Variants in ADGRB3 observed in about 807,000 individuals in gnomAD.
The protein encoded by ADGRB3 is brain-specific angiogenesis inhibitor 3.
ADGRB3 carries 37 observed loss-of-function variants against 193.4 expected under a neutral mutation model. The observed-to-expected ratio is 0.19, with a 90% CI of 0.15 to 0.25. The LOEUF (loss-of-function observed/expected upper bound fraction) is 0.25, where lower values mean the gene tolerates loss of function less well. ADGRB3 is among the 10% of genes least tolerant of loss of function. The pLI, the probability that ADGRB3 is intolerant of heterozygous loss-of-function variation, is 1.00. For missense variants in ADGRB3, 1,637 were observed against 1,852.9 expected (o/e 0.88, Z 2.14); for synonymous variants, 690 against 644.2 (o/e 1.07, Z -1.08).
intron 10 of ADGRB3, among the ~76,000 whole-genome samples, chr6:68,977,553 A>G (rs546877284): frequency 5.3e-5 from 8 of 152,180 alleles, no homozygotes; most frequent in Non-Finnish European, 1.2e-4. Flanking sequence ...TAATGGATTA[A>G]GATAGATACA....
chr6:69,280,162 T>A (rs1194488596), intron 20 of ADGRB3, among the ~76,000 whole-genome samples: 1 of 152,198 alleles, frequency 6.6e-6, no homozygotes, highest in Non-Finnish European at 1.5e-5. Context: ...TTCTGCTGTA[T>A]GCAGGAGAAT....
At chr6:68,871,717 T>C (rs1765460406) in intron 3 of ADGRB3, among the ~76,000 whole-genome samples, 1 of 152,144 alleles carries the variant, frequency 6.6e-6, no homozygotes, top group South Asian at 2.1e-4. Context: ...TCACTTGCAT[T>C]AGTCTATTTT....
chr6:68,998,963 A>ACAGGCACAAATACAGGG, intron 11 of ADGRB3, among the ~76,000 whole-genome samples: 1 of 152,134 alleles, frequency 6.6e-6, no homozygotes, highest in South Asian at 2.1e-4. Flanking sequence ...CCTATAATAT[A>ACAGGCACAAATACAGGG]CACCTTTATT....
At chr6:69,082,363 T>C (rs1399026700) in intron 17 of ADGRB3, among the ~76,000 whole-genome samples, 1 of 152,052 alleles carries the variant, frequency 6.6e-6, no homozygotes, top group East Asian at 1.9e-4. Context: ...CTGGAAATTC[T>C]CTCACTTTTT....
chr6:69,232,893 T>C, intron 17 of ADGRB3: 1 of 507,480 alleles, frequency 2.0e-6, no homozygotes, highest in Non-Finnish European at 3.5e-6. Flanking sequence ...TCAGAGCTGG[T>C]AGAAAAATAT....
intron 20 of ADGRB3, among the ~76,000 whole-genome samples, chr6:69,268,805 A>G (rs1025891618): frequency 1.3e-5 from 2 of 152,068 alleles, no homozygotes; most frequent in Non-Finnish European, 2.9e-5. Flanking sequence ...GCCCACTCCA[A>G]AATGGGCTGG....
At chr6:68,833,570 T>G (rs1197431927) in intron 3 of ADGRB3, among the ~76,000 whole-genome samples, 1 of 150,856 alleles carries the variant, frequency 6.6e-6, no homozygotes, top group South Asian at 2.1e-4. Context: ...TAAGTATTCT[T>G]ATATTAAAGA....
At chr6:68,864,422 A>G (rs1765235948) in intron 3 of ADGRB3, among the ~76,000 whole-genome samples, 1 of 152,170 alleles carries the variant, frequency 6.6e-6, no homozygotes, top group Admixed American at 6.5e-5. Context: ...GAGTTGGAGG[A>G]AAAGTGTGCC....
At chr6:69,262,205 G>A (rs765199984) in intron 20 of ADGRB3, among the ~76,000 whole-genome samples, 7 of 151,948 alleles carry the variant, frequency 4.6e-5, no homozygotes, top group Non-Finnish European at 7.4e-5. Context: ...GGTTCATAGC[G>A]ATCACATCTT....
At chr6:69,308,942 T>C (rs1464917242) in intron 20 of ADGRB3, among the ~76,000 whole-genome samples, 1 of 151,664 alleles carries the variant, frequency 6.6e-6, no homozygotes, top group Non-Finnish European at 1.5e-5. Context: ...AAAACCAAAG[T>C]TGGGAAATCC....
intron 3 of ADGRB3, among the ~76,000 whole-genome samples, chr6:68,905,303 G>T (rs1313294627): frequency 1.3e-5 from 2 of 152,256 alleles, no homozygotes; most frequent in Non-Finnish European, 2.9e-5. Flanking sequence ...GTTCGTGATA[G>T]GCTAATCCTT....
intron 17 of ADGRB3, among the ~76,000 whole-genome samples, chr6:69,190,459 C>CT (rs1765164198): frequency 6.6e-6 from 1 of 151,670 alleles, no homozygotes; most frequent in African/African-American, 2.4e-5. Flanking sequence ...TTCTGGGCAG[C>CT]TATGTGTCTG....
rs867578586 is a variant in ADGRB3 at position 68,877,072 on chromosome 6, A to T, written c.758-53487A>T. 8.5e-5 allele frequency among the ~76,000 whole-genome samples: 13 copies of T among 152,178 alleles called. No individual in the cohort carries two copies. In the South Asian group the frequency reaches 2.5e-3, roughly 29 times the overall value. On this transcript the variant is annotated intron_variant, in intron 3 of 31. Transcript: ENST00000370598. ...TATTACTAGTATTAGTATTATTTTGATCCACATATCTCTTGACTTTTTTCT... is the reference window on the plus strand; with the variant it reads ...TATTACTAGTATTAGTATTATTTTGTTCCACATATCTCTTGACTTTTTTCT...
chr6:69,188,136 T>A (rs930999689), intron 17 of ADGRB3, among the ~76,000 whole-genome samples: 1 of 152,190 alleles, frequency 6.6e-6, no homozygotes, highest in African/African-American at 2.4e-5. Context: ...TATTGGAGAA[T>A]GGAATGAGGC....
intron 3 of ADGRB3, among the ~76,000 whole-genome samples, chr6:68,729,102 T>G (rs2127330240): frequency 6.6e-6 from 1 of 151,782 alleles, no homozygotes; most frequent in African/African-American, 2.4e-5. Context: ...TTTTGTATTC[T>G]TATCAGGTTA....
chr6:69,306,129 G>C (rs898184075), intron 20 of ADGRB3, among the ~76,000 whole-genome samples: 27 of 151,550 alleles, frequency 1.8e-4, no homozygotes, highest in African/African-American at 5.6e-4. Context: ...CTTCATGGGT[G>C]GGGGGAAGCA....
chr6:69,022,480 A>C (rs1207378262), intron 13 of ADGRB3, among the ~76,000 whole-genome samples: 1 of 151,870 alleles, frequency 6.6e-6, no homozygotes, highest in Non-Finnish European at 1.5e-5. Flanking sequence ...TTTCCTCTAA[A>C]CATTTTTCCT....
intron 3 of ADGRB3, among the ~76,000 whole-genome samples, chr6:68,744,852 G>A (rs1175364327): frequency 6.6e-6 from 1 of 151,972 alleles, no homozygotes; most frequent in African/African-American, 2.4e-5. Context: ...AAAACTACAC[G>A]TTCTGCACAT....
intron 3 of ADGRB3, among the ~76,000 whole-genome samples, chr6:68,700,827 G>C (rs1284361120): frequency 3.2e-5 from 4 of 126,594 alleles, no homozygotes; most frequent in East Asian, 2.8e-4. Flanking sequence ...GTCGTAGGGT[G>C]GGGGGAGGGG....
Sources: allele counts gnomAD v4.1 joint callset (sites outside exome capture counted in the v4.1 genomes callset), GRCh38; gene constraint gnomAD v4.1.1; transcripts MANE v1.5; gene names NCBI Gene and HGNC (gene_info 2026-07-23, HGNC 2026-07-21).